CAMKMT: variants seen among roughly 807,000 people sequenced by gnomAD.
CAMKMT encodes the protein CaM KMT.
A neutral mutation model predicts 48.0 loss-of-function variants in CAMKMT; 53 were observed. That is an observed-to-expected ratio of 1.10 (90% CI 0.89 to 1.39). The LOEUF (loss-of-function observed/expected upper bound fraction) is 1.39, where lower values mean the gene tolerates loss of function less well. CAMKMT is among the 40% of genes most tolerant of loss of function. The pLI, the probability that CAMKMT is intolerant of heterozygous loss-of-function variation, is 0.00. For missense variants in CAMKMT, 428 were observed against 402.7 expected, an observed-to-expected ratio of 1.06 and a Z score of -0.54; for synonymous variants, 165 against 152.3, an observed-to-expected ratio of 1.08 and a Z score of -0.61.
chr2:44,386,373 C>T (rs921054573), intron 2 of CAMKMT, among the ~76,000 whole-genome samples: 2 of 152,010 alleles, frequency 1.3e-5, no homozygotes, highest in African/African-American at 2.4e-5. Flanking sequence ...TCTCCTGTTT[C>T]CTAGTGAGGT....
intron 3 of CAMKMT, among the ~76,000 whole-genome samples, chr2:44,567,181 C>T (rs1558708077): frequency 6.6e-6 from 1 of 152,154 alleles, no homozygotes; most frequent in Non-Finnish European, 1.5e-5. Flanking sequence ...AGGAATTTTT[C>T]TGCAGCTCTT....
At chr2:44,622,240 T>C (rs1429902827) in intron 3 of CAMKMT, among the ~76,000 whole-genome samples, 5 of 152,252 alleles carry the variant, frequency 3.3e-5, no homozygotes, top group Non-Finnish European at 5.9e-5. Context: ...CTTCCACTTA[T>C]TTATGTCTGG....
intron 3 of CAMKMT, among the ~76,000 whole-genome samples, chr2:44,412,765 C>T (rs530424556): frequency 1.3e-5 from 2 of 151,914 alleles, no homozygotes; most frequent in Non-Finnish European, 2.9e-5. Flanking sequence ...CCTAAAAATT[C>T]AATTTGGAAT....
rs985244668 is a variant in CAMKMT at position 44,587,639 on chromosome 2, C to G, written c.377-116644C>G. Among the ~76,000 whole-genome samples, 4 of 85,370 alleles carry G rather than the reference C, an allele frequency of 4.7e-5. No individual in the cohort carries two copies. The East Asian group carries it at 6.7e-4, about 14-fold the overall frequency. The allele number at this position is 85,370 out of a possible 152,430, so 56.0% of individuals were successfully genotyped here. On this transcript the variant is annotated intron_variant, in intron 3 of 10. Coordinates refer to ENST00000378494, the MANE Select transcript of CAMKMT (RefSeq NM_024766.5). ...TGCAGGCGCGCGCCGCCACGCCTGA[C>G]TGGTTTTCCTTTTTTTTTTTTGGTG...
chr2:44,414,500 G>A (rs989703593), intron 3 of CAMKMT, among the ~76,000 whole-genome samples: 4 of 152,130 alleles, frequency 2.6e-5, no homozygotes. Flanking sequence ...CACCCTGTGG[G>A]CCTTCCATGA....
intron 3 of CAMKMT, among the ~76,000 whole-genome samples, chr2:44,665,280 A>G (rs1217244665): frequency 6.6e-6 from 1 of 152,272 alleles, no homozygotes; most frequent in East Asian, 1.9e-4. Context: ...CATGTTGGCC[A>G]TGTTGGTCTT....
At chr2:44,503,314 G>A (rs1466914333) in intron 3 of CAMKMT, among the ~76,000 whole-genome samples, 1 of 152,104 alleles carries the variant, frequency 6.6e-6, no homozygotes, top group Non-Finnish European at 1.5e-5. Flanking sequence ...GCAAGAGTGT[G>A]AGGGAAAGTA....
intron 3 of CAMKMT, among the ~76,000 whole-genome samples, chr2:44,427,063 A>G (rs1350430160): frequency 6.6e-6 from 1 of 152,218 alleles, no homozygotes; most frequent in Non-Finnish European, 1.5e-5. Flanking sequence ...CAATGGGGGA[A>G]GGATACCCTA....
intron 3 of CAMKMT, among the ~76,000 whole-genome samples, chr2:44,571,753 T>G (rs1668914104): frequency 6.6e-6 from 1 of 152,078 alleles, no homozygotes; most frequent in Non-Finnish European, 1.5e-5. Context: ...GCAGGAGGAT[T>G]GCATGAACTA....
chr2:44,583,204 T>C (rs1040531650), intron 3 of CAMKMT, among the ~76,000 whole-genome samples: 3 of 152,164 alleles, frequency 2.0e-5, no homozygotes, highest in Admixed American at 6.5e-5. Context: ...ATTCAACAAG[T>C]ATCTATTGGA....
chr2:44,435,590 A>C (rs1666187572), intron 3 of CAMKMT, among the ~76,000 whole-genome samples: 1 of 152,240 alleles, frequency 6.6e-6, no homozygotes, highest in Non-Finnish European at 1.5e-5. Context: ...CGAGTGAATC[A>C]AAAATAGATT....
intron 3 of CAMKMT, among the ~76,000 whole-genome samples, chr2:44,454,737 C>G (rs1371064037): frequency 1.3e-5 from 2 of 152,052 alleles, no homozygotes; most frequent in East Asian, 3.8e-4. Context: ...GTGTAGAAGT[C>G]AAGCATTTTT....
At chr2:44,765,535 A>ATT (rs1680804170) in intron 9 of CAMKMT, among the ~76,000 whole-genome samples, 3 of 151,572 alleles carry the variant, frequency 2.0e-5, no homozygotes, top group African/African-American at 7.3e-5. Flanking sequence ...TTTTTTTAAA[A>ATT]AAAAAAAAGG....
chr2:44,388,393 T>G (rs1387416507), intron 2 of CAMKMT, among the ~76,000 whole-genome samples: 1 of 152,196 alleles, frequency 6.6e-6, no homozygotes, highest in Non-Finnish European at 1.5e-5. Flanking sequence ...TCCTTGAATG[T>G]TTCTGCCTTC....
At chr2:44,473,941 A>G (rs1284663793) in intron 3 of CAMKMT, among the ~76,000 whole-genome samples, 2 of 152,202 alleles carry the variant, frequency 1.3e-5, no homozygotes, top group Non-Finnish European at 1.5e-5. Flanking sequence ...GAGATTACCC[A>G]TGAGGCACCA....
At chr2:44,478,955 TC>T (rs1320008143) in intron 3 of CAMKMT, among the ~76,000 whole-genome samples, 6 of 152,226 alleles carry the variant, frequency 3.9e-5, no homozygotes, top group African/African-American at 1.4e-4. Flanking sequence ...CGCCTCGGCC[TC>T]CCAAGGTGCT....
At chr2:44,577,886 A>G (rs1669320696) in intron 3 of CAMKMT, among the ~76,000 whole-genome samples, 1 of 151,896 alleles carries the variant, frequency 6.6e-6, no homozygotes, top group Admixed American at 6.6e-5. Context: ...TCTCCTAGTG[A>G]CTCCCCTAGG....
intron 3 of CAMKMT, among the ~76,000 whole-genome samples, chr2:44,496,615 G>C (rs1669763095): frequency 6.6e-6 from 1 of 152,208 alleles, no homozygotes; most frequent in East Asian, 1.9e-4. Context: ...CTGAACATGA[G>C]ATAACCAAGC....
At chr2:44,508,826 T>A (rs1477911055) in intron 3 of CAMKMT, among the ~76,000 whole-genome samples, 1 of 152,198 alleles carries the variant, frequency 6.6e-6, no homozygotes, top group East Asian at 1.9e-4. Context: ...CTGGGTGTGG[T>A]GGCTCACGCC....
Sources: gnomAD v4.1 joint callset for allele counts (sites outside exome capture counted in the v4.1 genomes callset) on GRCh38, gnomAD v4.1.1 for gene constraint, MANE v1.5 for transcripts, NCBI Gene and HGNC (gene_info 2026-07-23, HGNC 2026-07-21) for gene names.